Variants in HAPLN2 observed in about 807,000 individuals in gnomAD.
The protein encoded by HAPLN2 is hyaluronan and proteoglycan link protein 2, also known as brain link protein-1.
A neutral mutation model predicts 29.3 loss-of-function variants in HAPLN2; 27 were observed. That is an observed-to-expected ratio of 0.92 (90% confidence interval 0.68 to 1.27). The LOEUF is 1.27. HAPLN2 is among the 50% of genes most tolerant of loss of function. The probability of loss-of-function intolerance (pLI) is 0.00; values close to 1 mark genes in which losing one functional copy is unlikely to be tolerated. For missense variants in HAPLN2, 454 were observed against 484.3 expected, an observed-to-expected ratio of 0.94 and a Z score of 0.59; for synonymous variants, 208 against 211.7, an observed-to-expected ratio of 0.98 and a Z score of 0.15.
At chr1:156,618,535 T>G (rs7541462), upstream of HAPLN2, among the ~76,000 whole-genome samples, 37,549 of 151,490 alleles carry the variant, frequency 0.25, 4,865 homozygotes, top group South Asian at 0.49. Flanking sequence ...ATCCCAGCAC[T>G]TTGGGAGGCC....
upstream of HAPLN2, among the ~76,000 whole-genome samples, chr1:156,615,582 T>A (rs1030860857): frequency 4.0e-5 from 6 of 151,198 alleles, no homozygotes; most frequent in Non-Finnish European, 7.4e-5. Flanking sequence ...CTTTTTTTTT[T>A]TTTTTTCAGA....
the HAPLN2 span, among the ~76,000 whole-genome samples, chr1:156,609,096 G>A: frequency 6.6e-6 from 1 of 152,182 alleles, no homozygotes; most frequent in African/African-American, 2.4e-5. Context: ...CTGAAGCGCT[G>A]AGTCTGAAGG....
At chr1:156,614,985 G>A (rs1283420681), upstream of HAPLN2, 1 of 152,114 alleles carries the variant, frequency 6.6e-6, no homozygotes, top group Non-Finnish European at 1.5e-5. Flanking sequence ...CTCTGAGATG[G>A]GCAGAAGAGG....
the HAPLN2 span, among the ~76,000 whole-genome samples, chr1:156,604,395 C>T: frequency 4.6e-5 from 7 of 151,578 alleles, no homozygotes; most frequent in Middle Eastern, 3.4e-3. Context: ...TAGGTTCAAG[C>T]GATTCTGCCT....
intron 6 of HAPLN2, 150 bp downstream of exon 6, chr1:156,624,933 G>A: frequency 3.4e-6 from 1 of 293,982 alleles, no homozygotes; most frequent in Middle Eastern, 1.7e-3. Flanking sequence ...CCAGGCTCCA[G>A]CTCACCTCTC....
At chr1:156,607,737 G>C in the HAPLN2 span, among the ~76,000 whole-genome samples, 2 of 152,154 alleles carry the variant, frequency 1.3e-5, no homozygotes, top group Admixed American at 6.6e-5. Flanking sequence ...GGCCAAGCCA[G>C]CATCTCCCCA....
At chr1:156,616,285 C>A (rs1678056772), upstream of HAPLN2, among the ~76,000 whole-genome samples, 1 of 152,182 alleles carries the variant, frequency 6.6e-6, no homozygotes, top group African/African-American at 2.4e-5. Flanking sequence ...AGCCATCTCA[C>A]CCCACTCCCA....
At position 156,623,818 on chromosome 1, in the gene HAPLN2, G is replaced by C. The variant is rs1678338090; in HGVS notation, c.97G>C (p.Gly33Arg). 1.3e-6 allele frequency: 2 copies of C among 1,519,750 alleles called. No homozygotes were observed. Among genetic ancestry groups the C allele is most frequent in the Non-Finnish European group, 1.8e-6 (2 of 1,135,268 alleles). The allele number at this position is 1,519,750 out of a possible 1,614,324, so 94.1% of individuals were successfully genotyped here. The change falls in exon 4 of 7, where the codon GGC becomes CGC. Residue 33 changes from glycine to arginine, a missense_variant. This residue lies in a region of HAPLN2 where 204 missense variants were observed against 209.2 expected (regional missense o/e 0.98). Transcript: ENST00000255039. ...CCCCCTCTGCCCAGCATCCCACCCG[G>C]GCCCCCACTACCTCCTGCCCCCCAT... Reference protein sequence around the residue: ...KAQGDPASHPGPHYLLPPIHE... With the variant: ...KAQGDPASHPRPHYLLPPIHE...
upstream of HAPLN2, among the ~76,000 whole-genome samples, chr1:156,617,650 C>CTTTT (rs56771313): frequency 1.0e-4 from 14 of 137,390 alleles, no homozygotes; most frequent in African/African-American, 3.8e-4. Context: ...TGCCCAGCCT[C>CTTTT]TTTTTTTTTT....
At position 156,623,502 on chromosome 1, in the gene HAPLN2, G is replaced by C. The variant is rs1277544614; in HGVS notation, c.12G>C (p.Trp4Cys). MPG[W>C]LTLPTLCRFL... ...GCTGACCCCCCATCATGCCAGGCTGGCTCACCCTCCCCACACTCTGCCGCT... is the reference window on the plus strand; with the variant it reads ...GCTGACCCCCCATCATGCCAGGCTGCCTCACCCTCCCCACACTCTGCCGCT... The change falls in exon 3 of 7, where the codon TGG becomes TGC. Residue 4 changes from tryptophan to cysteine, a missense_variant. Transcript: ENST00000255039. 6.2e-7 allele frequency: 1 copy of C among 1,613,912 alleles called. No individual in the cohort carries two copies. Among genetic ancestry groups the C allele is most frequent in the Non-Finnish European group, 8.5e-7 (1 of 1,179,998 alleles).
chr1:156,604,032 C>T, the HAPLN2 span, among the ~76,000 whole-genome samples: 4 of 152,142 alleles, frequency 2.6e-5, no homozygotes, highest in East Asian at 7.7e-4. Context: ...AAGGAGTTCG[C>T]AGTTTAATGG....
chr1:156,622,677 T>C (rs1678274438), intron 2 of HAPLN2, among the ~76,000 whole-genome samples: 1 of 151,964 alleles, frequency 6.6e-6, no homozygotes, highest in Non-Finnish European at 1.5e-5. Context: ...GCGGGGACCA[T>C]GCTGGAGGTG....
chr1:156,605,045 C>T, the HAPLN2 span, among the ~76,000 whole-genome samples: 1 of 151,554 alleles, frequency 6.6e-6, no homozygotes, highest in African/African-American at 2.4e-5. Flanking sequence ...GTGGGAGGAT[C>T]ATTTGAGGTC....
At chr1:156,610,206 C>T in the HAPLN2 span, among the ~76,000 whole-genome samples, 2 of 151,928 alleles carry the variant, frequency 1.3e-5, no homozygotes, top group Admixed American at 1.3e-4. Flanking sequence ...GAGCAAGACT[C>T]CATCTCAAAA....
intron 2 of HAPLN2, among the ~76,000 whole-genome samples, chr1:156,621,976 A>G (rs1252795370): frequency 1.3e-5 from 2 of 151,926 alleles, no homozygotes; most frequent in African/African-American, 4.8e-5. Context: ...ACACAAAACA[A>G]ATTTAAAGGG....
rs867961092 is a variant in HAPLN2 at position 156,624,736 on chromosome 1, G to A, written c.692G>A (p.Arg231Gln). Residue 231 changes from arginine (R) to glutamine (Q), a missense_variant, in exon 6 of 7, where the codon CGG (arginine) becomes CAG (glutamine). By Grantham distance (43) the Arg-to-Gln change is conservative (BLOSUM62 1). Transcript: ENST00000255039. ...ATCCGCAGCTACGGACCCCGCGACC[G>A]GATGCGCGACCGCTACGACGCCTTC... ...PGIRSYGPRD[R>Q]MRDRYDAFCF... 1.3e-6 allele frequency: 2 copies of A among 1,559,464 alleles called. No homozygotes were observed. The highest frequency in any genetic ancestry group is 1.2e-5 in the South Asian group (1 of 84,934).
Position 156,623,045 on chromosome 1 carries a change from T to TAAAATAAAAAAA in HAPLN2, c.-24-419_-24-418insATAAAAAAAAAA, listed in dbSNP as rs1553235342. ...CAACACTCTGTCTCAAAAAAATAAATAAATAAATAAATAAATAAATAAATA... is the reference window on the plus strand; with the variant it reads ...CAACACTCTGTCTCAAAAAAATAAATAAAATAAAAAAAAAATAAATAAATAAATAAATAAATA... On this transcript the variant is annotated intron_variant, in intron 2 of 6. Transcript: ENST00000255039. Among the ~76,000 whole-genome samples the TAAAATAAAAAAA allele has an allele frequency of 2.9e-5, 3 of 102,948 alleles. 1 individual carries two copies. The highest frequency in any genetic ancestry group is 8.6e-4 in the South Asian group (2 of 2,316). The allele number at this position is 102,948 out of a possible 152,430, so 67.5% of individuals were successfully genotyped here. A position where few individuals can be genotyped will look rare whatever the true frequency, so the allele number is the denominator to read the frequency against.
At chr1:156,617,747 T>A (rs557441819), upstream of HAPLN2, among the ~76,000 whole-genome samples, 1 of 151,108 alleles carries the variant, frequency 6.6e-6, no homozygotes, top group South Asian at 2.1e-4. Flanking sequence ...AAAATAAGGC[T>A]AAAATGGAAC....
the HAPLN2 span, among the ~76,000 whole-genome samples, chr1:156,606,271 A>T: frequency 2.0e-5 from 3 of 152,096 alleles, no homozygotes; most frequent in Non-Finnish European, 4.4e-5. Flanking sequence ...CTCAAAAAAA[A>T]AATTAAAAAT....
Sources: gnomAD v4.1 joint callset for allele counts (sites outside exome capture counted in the v4.1 genomes callset) on GRCh38, gnomAD v4.1.1 for gene constraint, gnomAD v4.1.1 regional missense constraint, MANE v1.5 for transcripts, NCBI Gene and HGNC (gene_info 2026-07-23, HGNC 2026-07-21) for gene names.